COL4A6: variants seen among roughly 807,000 people sequenced by gnomAD.
COL4A6 encodes the protein collagen type IV alpha 6 chain, also known as collagen alpha-6(IV) chain.
Under a neutral mutation model 126.7 loss-of-function variants are expected in COL4A6, and 59 were observed. The ratio of observed to expected loss-of-function variants is 0.47; its 90% CI spans 0.38 to 0.58. The LOEUF (loss-of-function observed/expected upper bound fraction) is 0.58, where lower values mean the gene tolerates loss of function less well. COL4A6 is among the 20% of genes least tolerant of loss of function. The pLI is 0.00. For missense variants in COL4A6, 1,285 were observed against 1,337.3 expected, an observed-to-expected ratio of 0.96 and a Z score of 0.61; for synonymous variants, 547 against 496.6, an observed-to-expected ratio of 1.10 and a Z score of -1.35.
intron 3 of COL4A6, among the ~76,000 whole-genome samples, chrX:108,262,977 G>A (rs1340740244): frequency 9.0e-6 from 1 of 110,972 alleles, no homozygotes; most frequent in Non-Finnish European, 1.9e-5. Context: ...CAAACATTAA[G>A]GTACATTCCA....
At chrX:108,181,599 C>T (rs1388571244) in intron 23 of COL4A6, among the ~76,000 whole-genome samples, 2 of 111,969 alleles carry the variant, frequency 1.8e-5, no homozygotes, top group African/African-American at 3.3e-5. Flanking sequence ...CAAGTGGTGA[C>T]CCTTCCCTCA....
rs1270433704 is a variant in COL4A6 at position 108,438,416 on chromosome X, A to C, written c.-220T>G. On this transcript the variant is annotated 5_prime_UTR_variant, in exon 1 of 45. Coordinates refer to ENST00000334504, the MANE Select transcript of COL4A6 (RefSeq NM_033641.4). ...GTGCCCGTTACAACTTGCAGCACTCAGGAGATAGTTCCATGCAGCAGGAGA... is the reference window on the plus strand; with the variant it reads ...GTGCCCGTTACAACTTGCAGCACTCCGGAGATAGTTCCATGCAGCAGGAGA... The C allele has an allele frequency of 2.9e-6, 3 of 1,035,631 alleles. No individual in the cohort carries two copies. The highest frequency in any genetic ancestry group is 6.9e-5 in the South Asian group (2 of 28,965). 85.3% of individuals were successfully genotyped at this position (1,035,631 alleles called of 1,213,427 possible). A position where few individuals can be genotyped will look rare whatever the true frequency, so the allele number is the denominator to read the frequency against.
intron 3 of COL4A6, among the ~76,000 whole-genome samples, chrX:108,282,482 A>G (rs2037868133): frequency 9.0e-6 from 1 of 111,348 alleles, no homozygotes; most frequent in Non-Finnish European, 1.9e-5. Context: ...GCAATCATTA[A>G]AAAGTCAGGA....
chrX:108,420,492 TAGG>T (rs1299738812), intron 2 of COL4A6, among the ~76,000 whole-genome samples: 1 of 111,908 alleles, frequency 8.9e-6, no homozygotes, highest in African/African-American at 3.2e-5. Context: ...GGATGGCAGT[TAGG>T]AGTTCAAGCA....
intron 2 of COL4A6, among the ~76,000 whole-genome samples, chrX:108,434,991 C>T (rs1185278171): frequency 9.1e-6 from 1 of 110,321 alleles, no homozygotes; most frequent in Admixed American, 9.7e-5. Flanking sequence ...ACATAATATT[C>T]ATATATTGAT....
intron 3 of COL4A6, among the ~76,000 whole-genome samples, chrX:108,239,840 T>C (rs1478217129): frequency 8.9e-6 from 1 of 112,560 alleles, no homozygotes; most frequent in Non-Finnish European, 1.9e-5. Context: ...TCACCTGTTC[T>C]TTATTCAAAA....
intron 2 of COL4A6, among the ~76,000 whole-genome samples, chrX:108,376,299 A>T (rs1266645554): frequency 1.8e-5 from 2 of 111,607 alleles, no homozygotes; most frequent in Non-Finnish European, 3.8e-5. Flanking sequence ...TTTTACAGTA[A>T]TAAATTCAAG....
chrX:108,345,247 G>A (rs781346368), intron 2 of COL4A6, among the ~76,000 whole-genome samples: 1 of 111,555 alleles, frequency 9.0e-6, no homozygotes, highest in Non-Finnish European at 1.9e-5. Context: ...TCTGTTTTCA[G>A]ATGACTTTTA....
chrX:108,227,426 T>C (rs1176180552), intron 3 of COL4A6, among the ~76,000 whole-genome samples: 1 of 111,258 alleles, frequency 9.0e-6, no homozygotes, highest in East Asian at 2.8e-4. Context: ...CCTGAGAACA[T>C]GTGGCCAAGG....
intron 2 of COL4A6, among the ~76,000 whole-genome samples, chrX:108,332,938 AG>A (rs1438816699): frequency 5.5e-5 from 6 of 109,406 alleles, no homozygotes; most frequent in African/African-American, 2.0e-4. Flanking sequence ...TATTTTTCCT[AG>A]TTTTTTTTTC....
intron 3 of COL4A6, among the ~76,000 whole-genome samples, chrX:108,255,871 C>T (rs2036989561): frequency 9.0e-6 from 1 of 111,293 alleles, no homozygotes; most frequent in Non-Finnish European, 1.9e-5. Flanking sequence ...GTATCTTCAG[C>T]ATTAGAGATA....
chrX:108,276,515 T>G (rs1022941124), intron 3 of COL4A6, among the ~76,000 whole-genome samples: 1 of 112,516 alleles, frequency 8.9e-6, no homozygotes, highest in Non-Finnish European at 1.9e-5. Context: ...TCCCAGATAC[T>G]TTGCATGTGT....
At chrX:108,257,553 T>C (rs749667085) in intron 3 of COL4A6, among the ~76,000 whole-genome samples, 1 of 111,494 alleles carries the variant, frequency 9.0e-6, no homozygotes, top group East Asian at 2.9e-4. Context: ...TCTATTGGCC[T>C]GGCTGAAACT....
At chrX:108,354,168 A>T (rs1390621442) in intron 2 of COL4A6, among the ~76,000 whole-genome samples, 3 of 111,445 alleles carry the variant, frequency 2.7e-5, no homozygotes, top group Non-Finnish European at 5.6e-5. Context: ...CTCAAAAAAA[A>T]AATAAGTGAC....
At position 108,159,471 on chromosome X, in the gene COL4A6, A is replaced by G; in HGVS notation, c.4803T>C (p.Ser1601=). ...LGWRSLWIGY[S]FLMHTAAGAE... Reference sequence around the variant, plus strand: ...CAGTGCAGGACCTTACCATGAGGAAAGAGTACCCAATCCAGAGGCTGCGCC... The same window carrying G: ...CAGTGCAGGACCTTACCATGAGGAAGGAGTACCCAATCCAGAGGCTGCGCC... The change falls in exon 44 of 45, where the codon TCT becomes TCC. Residue 1601 remains serine, a synonymous_variant. Transcript: ENST00000334504. 2 of 1,212,019 alleles carry G rather than the reference A, an allele frequency of 1.7e-6. No homozygotes were observed. Among genetic ancestry groups the G allele is most frequent in the Non-Finnish European group, 2.2e-6 (2 of 895,544 alleles).
intron 2 of COL4A6, among the ~76,000 whole-genome samples, chrX:108,357,720 A>C (rs2039990092): frequency 9.1e-6 from 1 of 110,409 alleles, no homozygotes; most frequent in South Asian, 3.9e-4. Context: ...TACTTTGCCC[A>C]GTATGCCTTT....
intron 3 of COL4A6, chrX:108,269,093 C>A (rs756294926): frequency 4.1e-5 from 14 of 339,007 alleles, no homozygotes; most frequent in Non-Finnish European, 8.0e-5. Flanking sequence ...AGAGATTAGG[C>A]AGAACCTCAC....
chrX:108,414,381 T>C (rs953942422), intron 2 of COL4A6, among the ~76,000 whole-genome samples: 7 of 111,227 alleles, frequency 6.3e-5, no homozygotes, highest in African/African-American at 2.3e-4. Context: ...AATCTCCCAA[T>C]ATGGTTGTAT....
At chrX:108,328,813 C>G (rs189869089) in intron 2 of COL4A6, among the ~76,000 whole-genome samples, 1 of 112,090 alleles carries the variant, frequency 8.9e-6, no homozygotes, top group East Asian at 2.8e-4. Flanking sequence ...TGAAGTCAAC[C>G]TAAGTGTCCA....
Sources: allele counts gnomAD v4.1 joint callset (sites outside exome capture counted in the v4.1 genomes callset), GRCh38; gene constraint gnomAD v4.1.1; transcripts MANE v1.5; gene names NCBI Gene and HGNC (gene_info 2026-07-23, HGNC 2026-07-21).